PIP4K2A: variants seen among roughly 807,000 people sequenced by gnomAD.
PIP4K2A encodes the protein phosphatidylinositol 5-phosphate 4-kinase type-2 alpha.
PIP4K2A carries 14 observed loss-of-function variants against 42.9 expected under a neutral mutation model. That is an observed-to-expected ratio of 0.33 (90% CI 0.22 to 0.51). The LOEUF (loss-of-function observed/expected upper bound fraction) is 0.51. PIP4K2A is among the 20% of genes least tolerant of loss of function. The probability of loss-of-function intolerance (pLI) is 0.97; values close to 1 mark genes in which losing one functional copy is unlikely to be tolerated. For synonymous variants in PIP4K2A, 192 were observed against 192.2 expected (o/e 1.00, Z 0.01); for missense variants, 434 against 519.8 (o/e 0.83, Z 1.61).
intron 1 of PIP4K2A, among the ~76,000 whole-genome samples, chr10:22,614,713 C>T (rs185831545): frequency 6.6e-6 from 1 of 152,176 alleles, no homozygotes; most frequent in African/African-American, 2.4e-5. Context: ...AGCGATCATT[C>T]GTCAGTTTTA....
intron 1 of PIP4K2A, among the ~76,000 whole-genome samples, chr10:22,627,625 A>AAAAAAAAAAAAAAAAAAAC (rs1838473262): frequency 7.6e-6 from 1 of 131,496 alleles, no homozygotes; most frequent in Non-Finnish European, 1.6e-5. Flanking sequence ...AAAAAAAAAA[A>AAAAAAAAAAAAAAAAAAAC]AAAAAAGATA....
intron 5 of PIP4K2A, among the ~76,000 whole-genome samples, chr10:22,570,467 T>G (rs956550316): frequency 5.9e-5 from 9 of 152,220 alleles, no homozygotes; most frequent in Non-Finnish European, 1.5e-5. Flanking sequence ...GGAGGATGGC[T>G]GGGATTTCCC....
intron 6 of PIP4K2A, among the ~76,000 whole-genome samples, chr10:22,557,174 T>C (rs1030275314): frequency 4.8e-5 from 7 of 145,290 alleles, no homozygotes; most frequent in African/African-American, 2.0e-4. Flanking sequence ...ATCAGGACAG[T>C]TACAAAGTTC....
Position 22,588,326 on chromosome 10 carries a change from G to GCTTGTGGCAAGGATGTTGTTTTAT in PIP4K2A, c.492+3279_492+3302dup, listed in dbSNP as rs527816613. On this transcript the variant is annotated intron_variant, in intron 4 of 9. Transcript: ENST00000376573. Reference sequence around the variant, plus strand: ...CTCTAACATTCTTGTATGTTTCTCAGCTTGTGGCAAGGATGTTGTTTTATC... The same window carrying GCTTGTGGCAAGGATGTTGTTTTAT: ...CTCTAACATTCTTGTATGTTTCTCAGCTTGTGGCAAGGATGTTGTTTTATCTTGTGGCAAGGATGTTGTTTTATC... Among the ~76,000 whole-genome samples, 892 of 152,188 alleles carry GCTTGTGGCAAGGATGTTGTTTTAT rather than the reference G, an allele frequency of 5.9e-3. 3 individuals are homozygous for GCTTGTGGCAAGGATGTTGTTTTAT. The highest frequency in any genetic ancestry group is 0.021 in the African/African-American group (856 of 41,492).
rs895417050 is a variant in PIP4K2A, at chr10:22,705,495, G to C, written c.144+8688C>G. Among the ~76,000 whole-genome samples the C allele has an allele frequency of 1.2e-4, 15 of 127,926 alleles. No homozygotes were observed. The East Asian group carries it at 3.8e-3, about 32-fold the overall frequency. The allele number at this position is 127,926 out of a possible 152,430, so 83.9% of individuals were successfully genotyped here. On this transcript the variant is annotated intron_variant, in intron 1 of 9. Coordinates refer to ENST00000376573, the MANE Select transcript of PIP4K2A (RefSeq NM_005028.5). ...GAGATGACAATGAGGACAAAAACAA[G>C]GCTGTTCTGGAGGAAACTGAGGTAG...
intron 1 of PIP4K2A, among the ~76,000 whole-genome samples, chr10:22,622,919 A>G (rs976269897): frequency 1.3e-5 from 2 of 152,178 alleles, no homozygotes; most frequent in African/African-American, 2.4e-5. Flanking sequence ...CATTATTTCA[A>G]AAAAAAGAAG....
chr10:22,650,952 T>C (rs1043457715), intron 1 of PIP4K2A, among the ~76,000 whole-genome samples: 1 of 152,114 alleles, frequency 6.6e-6, no homozygotes, highest in Non-Finnish European at 1.5e-5. Flanking sequence ...GCCTACCTGG[T>C]TCACCACCGG....
chr10:22,627,527 T>C (rs1838465504), intron 1 of PIP4K2A, among the ~76,000 whole-genome samples: 1 of 139,978 alleles, frequency 7.1e-6, no homozygotes, highest in Non-Finnish European at 1.5e-5. Context: ...TCCCTGCTCA[T>C]CAAGAATGTG....
chr10:22,601,130 CAAAAA>C (rs1188396077), intron 3 of PIP4K2A, among the ~76,000 whole-genome samples: 4,062 of 31,606 alleles, frequency 0.13, 292 homozygotes, highest in African/African-American at 0.24. Context: ...GAGACTGTCT[CAAAAA>C]AAAAAAAAAA....
intron 1 of PIP4K2A, among the ~76,000 whole-genome samples, chr10:22,661,182 T>C (rs764479253): frequency 6.6e-6 from 1 of 152,226 alleles, no homozygotes; most frequent in African/African-American, 2.4e-5. Context: ...TATTCATCTT[T>C]GCAGTTGCAA....
At chr10:22,551,833 T>C (rs140166939) in intron 6 of PIP4K2A, among the ~76,000 whole-genome samples, 126 of 152,210 alleles carry the variant, frequency 8.3e-4, no homozygotes, top group African/African-American at 2.8e-3. Flanking sequence ...TCCTCCTCCC[T>C]CCTTATTCAG....
At chr10:22,643,544 T>C (rs1341882535) in intron 1 of PIP4K2A, among the ~76,000 whole-genome samples, 1 of 152,126 alleles carries the variant, frequency 6.6e-6, no homozygotes, top group African/African-American at 2.4e-5. Context: ...CCTCCAAAGA[T>C]TGCCTAACCT....
At chr10:22,608,089 G>A (rs1837948577) in intron 2 of PIP4K2A, 66 bp from the exon 3 acceptor site, 1 of 1,010,508 alleles carries the variant, frequency 9.9e-7, no homozygotes, top group Admixed American at 1.9e-5. Flanking sequence ...TGCCACCACT[G>A]AGTTCCACAG....
In PIP4K2A at chr10:22,580,251, C is replaced by T. The variant is rs374521262; in HGVS notation, c.493-6794G>A. Among the ~76,000 whole-genome samples, 619 of 152,142 alleles carry T rather than the reference C, an allele frequency of 4.1e-3. 25 individuals are homozygous for T. The highest frequency in any genetic ancestry group is 0.014 in the African/African-American group (593 of 41,380). ...ACGTAAAACACCAAAAAAAATATTT[C>T]TATCTTATGTTGCTTCTAGGATCAC... On this transcript the variant is annotated intron_variant, in intron 4 of 9. Transcript: ENST00000376573.
chr10:22,639,886 C>T (rs1040174843), intron 1 of PIP4K2A, among the ~76,000 whole-genome samples: 5 of 152,130 alleles, frequency 3.3e-5, no homozygotes, highest in African/African-American at 1.2e-4. Flanking sequence ...ACGAAGAACA[C>T]GTGAAGGAAA....
At chr10:22,629,910 A>T (rs1838515347) in intron 1 of PIP4K2A, among the ~76,000 whole-genome samples, 1 of 152,176 alleles carries the variant, frequency 6.6e-6, no homozygotes, top group Non-Finnish European at 1.5e-5. Flanking sequence ...CAGGATTAAG[A>T]AAAAAAGATA....
At chr10:22,617,218 A>C (rs541831581) in intron 1 of PIP4K2A, among the ~76,000 whole-genome samples, 3 of 152,334 alleles carry the variant, frequency 2.0e-5, no homozygotes, top group Admixed American at 2.0e-4. Flanking sequence ...CAGATGTAAG[A>C]CTAAATTCAC....
intron 7 of PIP4K2A, among the ~76,000 whole-genome samples, chr10:22,544,463 C>T (rs1043324983): frequency 4.6e-5 from 7 of 152,138 alleles, no homozygotes; most frequent in Non-Finnish European, 8.8e-5. Flanking sequence ...GGCTCTGCTC[C>T]CTAGATCTAC....
intron 1 of PIP4K2A, among the ~76,000 whole-genome samples, chr10:22,634,532 T>C (rs970652062): frequency 1.3e-5 from 2 of 152,226 alleles, no homozygotes; most frequent in Non-Finnish European, 2.9e-5. Flanking sequence ...ATTTACTCGC[T>C]TGTTTCTTAT....
Sources: gnomAD v4.1 joint callset for allele counts (sites outside exome capture counted in the v4.1 genomes callset) on GRCh38, gnomAD v4.1.1 for gene constraint, MANE v1.5 for transcripts, NCBI Gene and HGNC (gene_info 2026-07-23, HGNC 2026-07-21) for gene names.